TASP1: variants seen among roughly 807,000 people sequenced by gnomAD.
TASP1 encodes the protein threonine aspartase 1.
Under a neutral mutation model 56.6 loss-of-function variants are expected in TASP1, and 16 were observed. The observed-to-expected ratio is 0.28, with a 90% CI of 0.19 to 0.43. The LOEUF is 0.43. Among genes scored for constraint, TASP1 ranks in the 20% least tolerant of loss-of-function variants. TASP1 has a pLI of 1.00. For missense variants in TASP1, 393 were observed against 511.6 expected (o/e 0.77, Z 2.24); for synonymous variants, 179 against 184.2 (o/e 0.97, Z 0.23).
chr20:13,625,346 G>A (rs1460093902), intron 2 of TASP1, 94 bp from the exon 3 acceptor site: 21 of 1,020,682 alleles, frequency 2.1e-5, no homozygotes, highest in Non-Finnish European at 2.8e-5. Flanking sequence ...TGCTGTCCTA[G>A]TAAAAAACAA....
chr20:13,224,841 C>CT, the TASP1 span, among the ~76,000 whole-genome samples: 1,822 of 107,174 alleles, frequency 0.017, 43 homozygotes, highest in African/African-American at 0.027. Context: ...AGCTTTCTTT[C>CT]TTTTTTTTTT....
chr20:13,186,850 G>T, the TASP1 span, among the ~76,000 whole-genome samples: 1 of 152,128 alleles, frequency 6.6e-6, no homozygotes, highest in Admixed American at 6.6e-5. Context: ...AAGGTACAAG[G>T]CATGCCAAAA....
At chr20:13,227,926 G>A in the TASP1 span, among the ~76,000 whole-genome samples, 1 of 148,204 alleles carries the variant, frequency 6.7e-6, no homozygotes, top group South Asian at 2.2e-4. Flanking sequence ...TTAATTCTAA[G>A]ATTTACTTAT....
At chr20:13,454,054 T>C (rs971681715) in intron 11 of TASP1, among the ~76,000 whole-genome samples, 21 of 146,224 alleles carry the variant, frequency 1.4e-4, no homozygotes, top group African/African-American at 5.3e-4. Flanking sequence ...AACCTAGGAA[T>C]TGAGGGGGAA....
At chr20:13,232,935 G>A in the TASP1 span, among the ~76,000 whole-genome samples, 3 of 152,048 alleles carry the variant, frequency 2.0e-5, no homozygotes, top group East Asian at 5.8e-4. Flanking sequence ...AGTCTCATGG[G>A]TCTCGATTCT....
At chr20:13,196,526 G>T in the TASP1 span, among the ~76,000 whole-genome samples, 1 of 152,052 alleles carries the variant, frequency 6.6e-6, no homozygotes, top group Admixed American at 6.6e-5. Context: ...ATGTAAAACT[G>T]CACTGTCCAG....
chr20:13,165,124 C>A, the TASP1 span: 1 of 338,556 alleles, frequency 3.0e-6, no homozygotes. Context: ...ACACACACTT[C>A]TGAGAATATT....
the TASP1 span, among the ~76,000 whole-genome samples, chr20:13,324,787 T>C: frequency 6.6e-6 from 1 of 152,102 alleles, no homozygotes. Flanking sequence ...CTAAACAAAT[T>C]ATTAGATATT....
intron 6 of TASP1, among the ~76,000 whole-genome samples, chr20:13,578,503 T>C (rs2047008984): frequency 6.6e-6 from 1 of 152,150 alleles, no homozygotes; most frequent in South Asian, 2.1e-4. Flanking sequence ...TTGTCATATG[T>C]TTCAATACTT....
chr20:13,520,974 G>GAC (rs1409489864), intron 10 of TASP1, among the ~76,000 whole-genome samples: 1 of 152,124 alleles, frequency 6.6e-6, no homozygotes, highest in Non-Finnish European at 1.5e-5. Flanking sequence ...AAGATGAACA[G>GAC]ACACTTCTCA....
chr20:13,497,363 C>T (rs1293460627), intron 10 of TASP1, among the ~76,000 whole-genome samples: 1 of 152,176 alleles, frequency 6.6e-6, no homozygotes, highest in South Asian at 2.1e-4. Context: ...TCCCTAAGTG[C>T]ACTGCAACTG....
At chr20:13,136,604 C>CATATATAT in the TASP1 span, among the ~76,000 whole-genome samples, 656 of 136,052 alleles carry the variant, frequency 4.8e-3, 10 homozygotes, top group African/African-American at 0.015. Flanking sequence ...CATCTAAAAA[C>CATATATAT]ATATATATAT....
chr20:13,186,307 G>GA, the TASP1 span, among the ~76,000 whole-genome samples: 1 of 152,126 alleles, frequency 6.6e-6, no homozygotes, highest in Non-Finnish European at 1.5e-5. Flanking sequence ...TTCCCGGGGG[G>GA]AAAAATGTTG....
At chr20:13,411,492 C>G (rs901406651) in intron 13 of TASP1, among the ~76,000 whole-genome samples, 2 of 152,078 alleles carry the variant, frequency 1.3e-5, no homozygotes, top group African/African-American at 2.4e-5. Context: ...TAGTACAGGT[C>G]TTTCATCTCC....
intron 4 of TASP1, among the ~76,000 whole-genome samples, chr20:13,600,836 C>A (rs560682008): frequency 6.6e-6 from 1 of 152,100 alleles, no homozygotes; most frequent in Admixed American, 6.5e-5. Context: ...TATATCCTTG[C>A]TCTGTCAGCT....
chr20:13,138,161 C>T, the TASP1 span, among the ~76,000 whole-genome samples: 2 of 152,168 alleles, frequency 1.3e-5, no homozygotes, highest in Non-Finnish European at 2.9e-5. Context: ...AATTTTCTTT[C>T]TGGGTTGATA....
At chr20:13,167,699 A>T in the TASP1 span, 1 of 152,198 alleles carries the variant, frequency 6.6e-6, no homozygotes, top group African/African-American at 2.4e-5. Context: ...GCCTTTCAGC[A>T]TGCTTTGATT....
the TASP1 span, among the ~76,000 whole-genome samples, chr20:13,235,494 T>C: frequency 6.6e-6 from 1 of 152,138 alleles, no homozygotes; most frequent in African/African-American, 2.4e-5. Context: ...CAGGGCTGTG[T>C]TGAGAAGCTG....
the TASP1 span, among the ~76,000 whole-genome samples, chr20:13,181,721 C>T: frequency 0.015 from 2,243 of 152,264 alleles, 20 homozygotes; most frequent in Non-Finnish European, 0.023. Context: ...TAGATTAAAA[C>T]CCCAGCTCCA....
Sources: gnomAD v4.1 joint callset for allele counts (sites outside exome capture counted in the v4.1 genomes callset) on GRCh38, gnomAD v4.1.1 for gene constraint, MANE v1.5 for transcripts, NCBI Gene and HGNC (gene_info 2026-07-23, HGNC 2026-07-21) for gene names.